Variants in RGMA observed in about 807,000 individuals in gnomAD.
RGMA encodes the protein repulsive guidance molecule A.
In RGMA, 10 loss-of-function variants were observed where a neutral mutation model predicts 23.2. The observed-to-expected ratio is 0.43, with a 90% CI of 0.27 to 0.73. The LOEUF is 0.73. Among genes scored for constraint, RGMA ranks in the 30% least tolerant of loss-of-function variants. The pLI, the probability that RGMA is intolerant of heterozygous loss-of-function variation, is 0.20. For missense variants in RGMA, 547 were observed against 630.5 expected (o/e 0.87, Z 1.42); for synonymous variants, 308 against 279.3 (o/e 1.10, Z -1.03).
Position 93,037,053 on chromosome 15 carries a change from A to C in RGMA, c.*7945T>G, listed in dbSNP as rs2054668835. 1 of 152,242 alleles carries C rather than the reference A, an allele frequency of 6.6e-6. No individual in the cohort carries two copies. The highest frequency in any genetic ancestry group is 6.5e-5 in the Admixed American group (1 of 15,282). 9.4% of individuals were successfully genotyped at this position (152,242 alleles called of 1,614,324 possible). A position where few individuals can be genotyped will look rare whatever the true frequency, so the allele number is the denominator to read the frequency against. On this transcript the variant is annotated 3_prime_UTR_variant, in exon 4 of 4. Transcript: ENST00000329082. The surrounding 1 kb of genome is among the most constrained non-coding windows in gnomAD (Gnocchi z 4.3). ...AGCTGGGCAGTGGGTGACTGGCAGG[A>C]AATGGTCAGCTTGGAGGAACGGTGC...
At chr15:93,083,389 A>G (rs1249963735) in intron 1 of RGMA, among the ~76,000 whole-genome samples, 1 of 152,098 alleles carries the variant, frequency 6.6e-6, no homozygotes, top group South Asian at 2.1e-4. Flanking sequence ...GTGTAATGGC[A>G]TGATCATAGC....
intron 1 of RGMA, among the ~76,000 whole-genome samples, chr15:93,083,700 C>T (rs902443838): frequency 1.3e-5 from 2 of 152,148 alleles, no homozygotes; most frequent in East Asian, 3.8e-4. Context: ...GACTGATATA[C>T]AACAAAATAA....
At chr15:93,059,133 GC>G (rs1469154612) in intron 2 of RGMA, among the ~76,000 whole-genome samples, 1 of 151,798 alleles carries the variant, frequency 6.6e-6, no homozygotes, top group Non-Finnish European at 1.5e-5. Flanking sequence ...AGATGGGCAG[GC>G]CTGGAGCTGT....
At chr15:93,047,983 G>A (rs529206102) in intron 3 of RGMA, among the ~76,000 whole-genome samples, 1 of 152,212 alleles carries the variant, frequency 6.6e-6, no homozygotes, top group Non-Finnish European at 1.5e-5. Context: ...GCAGCATGAG[G>A]CCATCCTGTT....
chr15:93,052,467 G>A lies in RGMA; in HGVS notation c.171C>T (p.Phe57=), dbSNP rs2054942731. Residue 57 remains phenylalanine, a synonymous_variant, in exon 3 of 4, where the codon TTC becomes TTT. Transcript: ENST00000329082. ...PCKILKCNSE[F]WSATSGSHAP... is the part of the protein sequence containing the mutation. ...CGTGGCTGCCCGACGTGGCGCTCCA[G>A]AACTCAGAGTTGCACTTGAGGATCT... 1 of 1,588,598 alleles carries A rather than the reference G, an allele frequency of 6.3e-7. No homozygotes were observed. The highest frequency in any genetic ancestry group is 8.5e-7 in the Non-Finnish European group (1 of 1,172,424).
At chr15:93,081,650 T>G (rs960767188) in intron 1 of RGMA, among the ~76,000 whole-genome samples, 1 of 152,238 alleles carries the variant, frequency 6.6e-6, no homozygotes, top group African/African-American at 2.4e-5. Context: ...CGACAGTGAG[T>G]CTGTCTCTCT....
At chr15:93,073,812 G>T (rs1176124989) in intron 1 of RGMA, 3 of 1,530,004 alleles carry the variant, frequency 2.0e-6, no homozygotes, top group South Asian at 2.4e-5. Context: ...GCTGCTTCCT[G>T]AAGACTTGCC....
At chr15:93,054,485 A>C (rs527704486) in intron 2 of RGMA, among the ~76,000 whole-genome samples, 1 of 131,912 alleles carries the variant, frequency 7.6e-6, no homozygotes, top group African/African-American at 2.6e-5. Context: ...GTGGTAGTGA[A>C]TAAGTCTCAT....
intron 3 of RGMA, among the ~76,000 whole-genome samples, chr15:93,048,204 A>C (rs535398409): frequency 2.0e-5 from 3 of 152,140 alleles, no homozygotes; most frequent in African/African-American, 7.2e-5. Context: ...CCATATTGGC[A>C]TAAGATTTCG....
At position 93,036,891 on chromosome 15, in the gene RGMA, CTAGGGTTTTT is replaced by C. The variant is rs1311566824; in HGVS notation, c.*8097_*8106del. 1 of 152,230 alleles carries C rather than the reference CTAGGGTTTTT, an allele frequency of 6.6e-6. No individual in the cohort carries two copies. Among genetic ancestry groups the C allele is most frequent in the East Asian group, 1.9e-4 (1 of 5,188 alleles). 9.4% of individuals were successfully genotyped at this position (152,230 alleles called of 1,614,324 possible). ...TGTAAACCAGGGCAATATCTGCTTT[CTAGGGTTTTT>C]GTGAAATTTGACAAAGCAATGCAGG... On this transcript the variant is annotated 3_prime_UTR_variant, in exon 4 of 4. Coordinates refer to ENST00000329082, the MANE Select transcript of RGMA (RefSeq NM_020211.3).
Position 93,045,070 on chromosome 15 carries a change from C to G in RGMA, c.1281G>C (p.Gly427=), listed in dbSNP as rs751039509. 1.3e-6 allele frequency: 2 copies of G among 1,572,654 alleles called. No individual in the cohort carries two copies. The highest frequency in any genetic ancestry group is 1.7e-4 in the Middle Eastern group (1 of 5,992). Residue 427 remains glycine, a synonymous_variant, in exon 4 of 4, where the codon GGG becomes GGC. Coordinates refer to ENST00000329082, the MANE Select transcript of RGMA (RefSeq NM_020211.3). The surrounding 1 kb of genome is among the most constrained non-coding windows in gnomAD (Gnocchi z 6.9). ...GGAGGGGCCGGGGGGCCAGGGGCAG[C>G]CCCGCAGCCGCCCTGCCTGGCAGGT... ...TRDLPGRAAA[G]LPLAPRPLLG...
At chr15:93,065,730 A>G in intron 2 of RGMA, 4 of 1,194,614 alleles carry the variant, frequency 3.3e-6, no homozygotes, top group Non-Finnish European at 4.9e-6. Context: ...GCCGGGGACC[A>G]TCAGCGGGAC....
At chr15:93,088,698 A>G in intron 1 of RGMA, 1 of 766,818 alleles carries the variant, frequency 1.3e-6, no homozygotes. Context: ...CCCGGGGGAG[A>G]GTATTTTAGG....
chr15:93,079,128 C>T (rs185041350), intron 1 of RGMA, among the ~76,000 whole-genome samples: 1 of 152,378 alleles, frequency 6.6e-6, no homozygotes, highest in African/African-American at 2.4e-5. Flanking sequence ...TAAATTTAAA[C>T]TAAGTCTGGA....
At position 93,054,406 on chromosome 15, in the gene RGMA, TC is replaced by T. The variant is rs2054979047; in HGVS notation, c.131-1900del. Reference sequence around the variant, plus strand: ...AATCTCACCTTGAACTGTAATAATCTCCACGTGTCAAGGGTGGGGCCAGGTG... The same window carrying T: ...AATCTCACCTTGAACTGTAATAATCTCACGTGTCAAGGGTGGGGCCAGGTG... On this transcript the variant is annotated intron_variant, in intron 2 of 3. Transcript: ENST00000329082. Among the ~76,000 whole-genome samples the T allele has an allele frequency of 2.0e-5, 3 of 152,074 alleles. No homozygotes were observed. In the South Asian group the frequency reaches 6.2e-4, roughly 32 times the overall value.
At chr15:93,083,850 AGCTTTGCTTCTCTTTTT>A (rs112090047) in intron 1 of RGMA, among the ~76,000 whole-genome samples, 3,451 of 152,230 alleles carry the variant, frequency 0.023, 84 homozygotes, top group African/African-American at 0.073. Flanking sequence ...CCAGCCTCTA[AGCTTTGCTTCTCTTTTT>A]GCTTTGCTTC....
chr15:93,048,617 C>T (rs1339046139), intron 3 of RGMA, among the ~76,000 whole-genome samples: 1 of 152,276 alleles, frequency 6.6e-6, no homozygotes, highest in Non-Finnish European at 1.5e-5. Context: ...AAGGTGGCTG[C>T]GGCTGCAGCC....
chr15:93,074,079 A>T, intron 1 of RGMA: 1 of 1,207,758 alleles, frequency 8.3e-7, no homozygotes, highest in Non-Finnish European at 1.1e-6. Context: ...TGCCGTTGTG[A>T]TATTTAAGGG....
chr15:93,070,258 T>G (rs75675783), intron 2 of RGMA, among the ~76,000 whole-genome samples: 2,340 of 152,298 alleles, frequency 0.015, 63 homozygotes, highest in African/African-American at 0.052. Context: ...GGCATCTTTC[T>G]CCACATAACT....
Sources: gnomAD v4.1 joint callset for allele counts (sites outside exome capture counted in the v4.1 genomes callset) on GRCh38, gnomAD v4.1.1 for gene constraint, Gnocchi (gnomAD v3.1) non-coding constraint, MANE v1.5 for transcripts, NCBI Gene and HGNC (gene_info 2026-07-23, HGNC 2026-07-21) for gene names.